Variants in KCNMA1 observed in about 807,000 individuals in gnomAD.
KCNMA1 encodes Calcium-activated potassium channel subunit alpha-1.
In KCNMA1, 29 loss-of-function variants were observed where a neutral mutation model predicts 140.0. The observed-to-expected ratio is 0.21, with a 90% confidence interval of 0.15 to 0.28. The LOEUF (loss-of-function observed/expected upper bound fraction) is 0.28, where lower values mean the gene tolerates loss of function less well. KCNMA1 is among the 10% of genes least tolerant of loss of function. The probability of loss-of-function intolerance (pLI) is 1.00; values close to 1 mark genes in which losing one functional copy is unlikely to be tolerated. For synonymous variants in KCNMA1, 612 were observed against 611.9 expected (o/e 1.00, Z 0.00); for missense variants, 880 against 1,602.2 (o/e 0.55, Z 7.70).
intron 1 of KCNMA1, among the ~76,000 whole-genome samples, chr10:77,570,406 C>A (rs1159582870): frequency 6.7e-6 from 1 of 149,852 alleles, no homozygotes; most frequent in Non-Finnish European, 1.5e-5. Context: ...ACTACGCAGC[C>A]ATAAAAAATC....
intron 19 of KCNMA1, among the ~76,000 whole-genome samples, chr10:76,994,576 C>T (rs1176952132): frequency 2.0e-5 from 3 of 152,142 alleles, no homozygotes; most frequent in South Asian, 4.1e-4. Context: ...TCAGATAAGA[C>T]TAAAACATGA....
chr10:77,142,482 T>C (rs1161216538), intron 5 of KCNMA1, among the ~76,000 whole-genome samples: 1 of 151,962 alleles, frequency 6.6e-6, no homozygotes, highest in Non-Finnish European at 1.5e-5. Flanking sequence ...TGTATCTGAG[T>C]GAATGTGTAT....
chr10:77,084,085 G>T (rs1431815939), intron 12 of KCNMA1, among the ~76,000 whole-genome samples: 1 of 152,056 alleles, frequency 6.6e-6, no homozygotes, highest in Admixed American at 6.6e-5. Flanking sequence ...CCCTAGTAAG[G>T]GTTTTCTCAG....
At chr10:77,324,560 C>T (rs888487491) in intron 2 of KCNMA1, among the ~76,000 whole-genome samples, 1 of 147,044 alleles carries the variant, frequency 6.8e-6, no homozygotes, top group Admixed American at 6.7e-5. Flanking sequence ...TTTAAATTTT[C>T]AACCTGAATG....
intron 12 of KCNMA1, 75 bp downstream of exon 12, chr10:77,084,562 G>T: frequency 8.7e-7 from 1 of 1,148,902 alleles, no homozygotes; most frequent in East Asian, 2.4e-5. Context: ...ATAGTCCTCT[G>T]CAGAAGATCC....
rs2097006170 is a variant in KCNMA1, at chr10:77,098,670, A to G, written c.1224-8160T>C. ...AGAATCCTAACTGGTAGACTTGTTT[A>G]CCTTTACTTTGGTTTCTCACCTAAT... On this transcript the variant is annotated intron_variant, in intron 9 of 27. Coordinates refer to ENST00000286628, the MANE Select transcript of KCNMA1 (RefSeq NM_001161352.2). Among the ~76,000 whole-genome samples, 13 of 152,132 alleles carry G rather than the reference A, an allele frequency of 8.5e-5. No individual in the cohort carries two copies. In the South Asian group the frequency reaches 2.7e-3, roughly 32 times the overall value.
At chr10:77,553,086 G>C (rs2063264284) in intron 1 of KCNMA1, among the ~76,000 whole-genome samples, 1 of 152,158 alleles carries the variant, frequency 6.6e-6, no homozygotes, top group African/African-American at 2.4e-5. Context: ...TGGCGGGGTG[G>C]GGAGGCGGGG....
chr10:77,122,900 C>T (rs953455574), intron 5 of KCNMA1, among the ~76,000 whole-genome samples: 1 of 151,976 alleles, frequency 6.6e-6, no homozygotes, highest in Non-Finnish European at 1.5e-5. Flanking sequence ...AAGTGTTGGC[C>T]GGGCACGGTG....
chr10:77,325,150 G>A (rs77411704), intron 2 of KCNMA1, among the ~76,000 whole-genome samples: 3,401 of 152,178 alleles, frequency 0.022, 136 homozygotes, highest in African/African-American at 0.076. Flanking sequence ...AACAGAAGGC[G>A]ACTCAGGATG....
At chr10:77,594,183 G>A (rs1253825460) in intron 1 of KCNMA1, among the ~76,000 whole-genome samples, 5 of 152,222 alleles carry the variant, frequency 3.3e-5, no homozygotes, top group Admixed American at 3.3e-4. Context: ...CCCCAGAGGT[G>A]CCAGGTTTAC....
At chr10:76,956,802 G>C (rs1032503012) in intron 20 of KCNMA1, among the ~76,000 whole-genome samples, 1 of 152,126 alleles carries the variant, frequency 6.6e-6, no homozygotes, top group Non-Finnish European at 1.5e-5. Context: ...TGGTATTTGG[G>C]TAGCATTAAG....
At chr10:77,558,779 G>A (rs1036223168) in intron 1 of KCNMA1, among the ~76,000 whole-genome samples, 13 of 152,174 alleles carry the variant, frequency 8.5e-5, no homozygotes, top group East Asian at 1.9e-4. Context: ...GGCAGATGGC[G>A]CAAAATAAAC....
At chr10:77,090,713 A>G (rs1342150782) in intron 9 of KCNMA1, 2 of 600,058 alleles carry the variant, frequency 3.3e-6, no homozygotes, top group Non-Finnish European at 6.0e-6. Flanking sequence ...CCTAGACAGA[A>G]AAGCCATATG....
intron 1 of KCNMA1, among the ~76,000 whole-genome samples, chr10:77,483,001 C>CACACAT (rs1436622507): frequency 3.4e-5 from 1 of 29,224 alleles, no homozygotes; most frequent in African/African-American, 1.2e-4. Flanking sequence ...TACACACACA[C>CACACAT]ACACACACAC....
intron 1 of KCNMA1, among the ~76,000 whole-genome samples, chr10:77,545,768 G>A (rs527884911): frequency 2.0e-5 from 3 of 152,336 alleles, no homozygotes; most frequent in South Asian, 2.1e-4. Flanking sequence ...TGTTGGCAGC[G>A]AGGCTGTGGA....
At chr10:77,093,152 AC>A (rs2096853527) in intron 9 of KCNMA1, among the ~76,000 whole-genome samples, 1 of 152,186 alleles carries the variant, frequency 6.6e-6, no homozygotes, top group Admixed American at 6.5e-5. Flanking sequence ...ACCATTCTAG[AC>A]AATTGAAAAT....
intron 2 of KCNMA1, among the ~76,000 whole-genome samples, chr10:77,384,314 C>T (rs2095529625): frequency 6.6e-6 from 1 of 152,206 alleles, no homozygotes; most frequent in African/African-American, 2.4e-5. Flanking sequence ...TAAACACATT[C>T]CTACTTGGAA....
chr10:77,597,075 C>T (rs1032318935), intron 1 of KCNMA1, among the ~76,000 whole-genome samples: 5 of 152,072 alleles, frequency 3.3e-5, no homozygotes, highest in African/African-American at 7.2e-5. Context: ...TTAGGAATTC[C>T]GCTCTCTCAA....
intron 1 of KCNMA1, among the ~76,000 whole-genome samples, chr10:77,593,499 A>C (rs1178690187): frequency 6.6e-6 from 1 of 152,256 alleles, no homozygotes; most frequent in East Asian, 1.9e-4. Context: ...TCCTACCCCA[A>C]GTGAATCACC....
Sources: allele counts gnomAD v4.1 joint callset (sites outside exome capture counted in the v4.1 genomes callset), GRCh38; gene constraint gnomAD v4.1.1; transcripts MANE v1.5; gene names NCBI Gene and HGNC (gene_info 2026-07-23, HGNC 2026-07-21).